The following OSGEP variants were observed in gnomAD, a reference collection of about 807,000 sequenced individuals.
OSGEP encodes O-sialoglycoprotein endopeptidase.
OSGEP carries 39 observed loss-of-function variants against 44.1 expected under a neutral mutation model. The ratio of observed to expected loss-of-function variants is 0.88; its 90% CI spans 0.69 to 1.16. The LOEUF (loss-of-function observed/expected upper bound fraction) is 1.16. Ranked by LOEUF, OSGEP falls within the 50% of genes most tolerant of loss-of-function variation. The pLI, the probability that OSGEP is intolerant of heterozygous loss-of-function variation, is 0.00. For synonymous variants in OSGEP, 139 were observed against 161.9 expected, an observed-to-expected ratio of 0.86 and a Z score of 1.07; for missense variants, 403 against 443.1, an observed-to-expected ratio of 0.91 and a Z score of 0.81.
At chr14:20,447,354 T>G in intron 10 of OSGEP, 68 bp downstream of exon 10, 1 of 1,602,380 alleles carries the variant, frequency 6.2e-7, no homozygotes, top group Non-Finnish European at 8.6e-7. Context: ...CTCATGTTCC[T>G]GGACTCTTCC....
At chr14:20,448,852 AGCTG>A in intron 5 of OSGEP, 41 bp from the exon 6 acceptor site, 1 of 1,591,092 alleles carries the variant, frequency 6.3e-7, no homozygotes, top group Non-Finnish European at 8.6e-7. Flanking sequence ...GCCTACAGTC[AGCTG>A]GCTTCTCACC....
intron 1 of OSGEP, among the ~76,000 whole-genome samples, chr14:20,454,303 TTA>T (rs1432666112): frequency 1.3e-4 from 20 of 152,238 alleles, no homozygotes; most frequent in African/African-American, 4.3e-4. Context: ...AAACATCTAT[TTA>T]TATGTCTGAC....
chr14:20,448,473 C>T (rs1201115188), intron 6 of OSGEP, among the ~76,000 whole-genome samples: 3 of 152,010 alleles, frequency 2.0e-5, no homozygotes, highest in South Asian at 2.1e-4. Context: ...TTATCTCCCC[C>T]GCCCCCCATT....
At position 20,451,965 on chromosome 14, in the gene OSGEP, T is replaced by A; in HGVS notation, c.411+9A>T. 19 of 1,584,382 alleles carry A rather than the reference T, an allele frequency of 1.2e-5. No individual in the cohort carries two copies. The highest frequency in any genetic ancestry group is 1.6e-5 in the Non-Finnish European group (19 of 1,163,144). On this transcript the variant is annotated intron_variant, in intron 3 of 10. Transcript: ENST00000206542. ...AATTGAGATGGAGTGGGTAGAGCCCTCTAAATACCTGCGTATTTCCTCCAC... is the reference window on the plus strand; with the variant it reads ...AATTGAGATGGAGTGGGTAGAGCCCACTAAATACCTGCGTATTTCCTCCAC...
intron 3 of OSGEP, 144 bp downstream of exon 3, chr14:20,451,830 G>T: frequency 1.5e-6 from 1 of 689,270 alleles, no homozygotes; most frequent in East Asian, 3.0e-5. Context: ...TACAAACTCT[G>T]TTGGGGGTTT....
At chr14:20,452,582 C>T in intron 1 of OSGEP, 134 bp from the exon 2 acceptor site, 2 of 778,250 alleles carry the variant, frequency 2.6e-6, no homozygotes, top group Non-Finnish European at 4.1e-6. Context: ...CTATCTTCCA[C>T]ATTTTCACAT....
chr14:20,448,280 T>C, intron 6 of OSGEP, 109 bp from the exon 7 acceptor site: 1 of 863,072 alleles, frequency 1.2e-6, no homozygotes. Flanking sequence ...ACAATTCAAG[T>C]TACCAGCACA....
intron 5 of OSGEP, 21 bp from the exon 6 acceptor site, chr14:20,448,832 G>C (rs1041351974): frequency 1.3e-6 from 2 of 1,598,710 alleles, no homozygotes; most frequent in African/African-American, 1.3e-5. Context: ...ATAAGCGTAC[G>C]AGGCACTAAG....
At chr14:20,451,922 C>T (rs1411638190) in intron 3 of OSGEP, 52 bp downstream of exon 3, 1 of 1,426,640 alleles carries the variant, frequency 7.0e-7, no homozygotes, top group African/African-American at 1.4e-5. Context: ...AAAGAAAATA[C>T]TGGTTCAGTG....
Position 20,448,109 on chromosome 14 carries a change from C to T in OSGEP, c.699G>A (p.Leu233=), listed in dbSNP as rs749467719. The T allele has an allele frequency of 5.0e-6, 8 of 1,612,824 alleles. No homozygotes were observed. The South Asian group carries it at 8.8e-5, about 18-fold the overall frequency. Residue 233 remains leucine, a synonymous_variant, in exon 7 of 11, where the codon CTG becomes CTA. Coordinates refer to ENST00000206542, the MANE Select transcript of OSGEP (RefSeq NM_017807.4). ...TCCCAGTTTTTTACTGCATTACCTG[C>T]AGGGAGAAACACAGATCCTCAGGAG... ...ECTPEDLCFS[L]QETVFAMLVE...
Position 20,448,775 on chromosome 14 carries a change from C to T in OSGEP, c.594G>A (p.Lys198=). The T allele has an allele frequency of 1.2e-6, 2 of 1,613,534 alleles. No individual in the cohort carries two copies. The highest frequency in any genetic ancestry group is 1.7e-6 in the Non-Finnish European group (2 of 1,179,432). Reference sequence around the variant, plus strand: ...TCCCTGAGAATGAGACGTCCATCCCCTTTACAGTGTATGGCAGCTCAACTA... The same window carrying T: ...TCCCTGAGAATGAGACGTCCATCCCTTTTACAGTGTATGGCAGCTCAACTA... ...KKLVELPYTV[K]GMDVSFSGIL... is the part of the protein sequence containing the mutation. The change falls in exon 6 of 11, where the codon AAG becomes AAA. Residue 198 remains lysine (K), a synonymous_variant. Coordinates refer to ENST00000206542, the MANE Select transcript of OSGEP (RefSeq NM_017807.4).
In OSGEP at chr14:20,446,982, G is replaced by A; in HGVS notation, c.*258C>T. The A allele has an allele frequency of 2.3e-6, 1 of 427,174 alleles. No individual in the cohort carries two copies. Among genetic ancestry groups the A allele is most frequent in the East Asian group, 3.5e-5 (1 of 28,900 alleles). The allele number at this position is 427,174 out of a possible 1,614,324, so 26.5% of individuals were successfully genotyped here. A position where few individuals can be genotyped will look rare whatever the true frequency, so the allele number is the denominator to read the frequency against. On this transcript the variant is annotated 3_prime_UTR_variant, in exon 11 of 11. Coordinates refer to ENST00000206542, the MANE Select transcript of OSGEP (RefSeq NM_017807.4). Reference sequence around the variant, plus strand: ...AAGATACCTCATTCTTGGTTCCACAGCAGCAAGCTCCAACAAGAATTTATC... The same window carrying A: ...AAGATACCTCATTCTTGGTTCCACAACAGCAAGCTCCAACAAGAATTTATC...
rs1283632973 is a variant in OSGEP, at chr14:20,447,893, A to G, written c.793+11T>C. 4 of 1,580,966 alleles carry G rather than the reference A, an allele frequency of 2.5e-6. No individual in the cohort carries two copies. The highest frequency in any genetic ancestry group is 2.7e-5 in the African/African-American group (2 of 74,230). On this transcript the variant is annotated intron_variant, in intron 8 of 10. Transcript: ENST00000206542. ...GAATAGGAAAGAGGAACACTTTTCA[A>G]TAATACATACACCCCACTCCTCCCA...
chr14:20,448,026 A>C, intron 7 of OSGEP, 32 bp from the exon 8 acceptor site: 1 of 1,593,608 alleles, frequency 6.3e-7, no homozygotes, highest in Non-Finnish European at 8.6e-7. Flanking sequence ...AAAATATTAG[A>C]GGGGCATCCC....
intron 1 of OSGEP, among the ~76,000 whole-genome samples, chr14:20,452,708 C>CTTT (rs59935464): frequency 1.8e-4 from 24 of 135,314 alleles, no homozygotes; most frequent in Non-Finnish European, 2.1e-4. Flanking sequence ...CTTTCGTGAT[C>CTTT]TTTTTTTTTT....
Position 20,454,553 on chromosome 14 carries a change from T to G in OSGEP, c.115+16A>C. On this transcript the variant is annotated intron_variant, in intron 1 of 10. Coordinates refer to ENST00000206542, the MANE Select transcript of OSGEP (RefSeq NM_017807.4). Reference sequence around the variant, plus strand: ...GGGAAGTGCGCGGAAAACTCTTAAGTCCCCTACTCACCAACCTGTGCCAGG... The same window carrying G: ...GGGAAGTGCGCGGAAAACTCTTAAGGCCCCTACTCACCAACCTGTGCCAGG... 6.4e-7 allele frequency: 1 copy of G among 1,566,666 alleles called. No individual in the cohort carries two copies. The highest frequency in any genetic ancestry group is 8.8e-7 in the Non-Finnish European group (1 of 1,136,688).
intron 3 of OSGEP, chr14:20,449,532 C>T (rs192539755): frequency 1.6e-3 from 629 of 398,286 alleles, no homozygotes; most frequent in Non-Finnish European, 2.2e-3. Flanking sequence ...ATTGGTTTTC[C>T]GGCTTAGAAG....
rs1452999532 is a variant in OSGEP at position 20,447,590 on chromosome 14, G to T, written c.869+25C>A. 1.9e-6 allele frequency: 3 copies of T among 1,611,842 alleles called. No homozygotes were observed. In the African/African-American group the frequency reaches 4.0e-5, roughly 22 times the overall value. On this transcript the variant is annotated intron_variant, in intron 9 of 10. Coordinates refer to ENST00000206542, the MANE Select transcript of OSGEP (RefSeq NM_017807.4). ...TCACTATAACAGGAGAAGTAAAAAA[G>T]AAACCAAAGGGAAAGTGTCTTTACC...
chr14:20,449,065 A>G lies in OSGEP; in HGVS notation c.508-52T>C, dbSNP rs150100466. ...AGGGAATGGAAGAGGATGAAATCAG[A>G]TATGCAGGAAGCATAAGAAGCTCAT... On this transcript the variant is annotated intron_variant, in intron 4 of 10. Coordinates refer to ENST00000206542, the MANE Select transcript of OSGEP (RefSeq NM_017807.4). The G allele has an allele frequency of 2.3e-5, 35 of 1,540,150 alleles. No homozygotes were observed. The African/African-American group carries it at 4.4e-4, about 19-fold the overall frequency.
Sources: allele counts gnomAD v4.1 joint callset (sites outside exome capture counted in the v4.1 genomes callset), GRCh38; gene constraint gnomAD v4.1.1; transcripts MANE v1.5; gene names NCBI Gene and HGNC (gene_info 2026-07-23, HGNC 2026-07-21).